Variants in AFG2A observed in about 807,000 individuals in gnomAD.
AFG2A encodes the protein AAA ATPase AFG2A, also known as ATPase family gene 2 protein homolog A.
the AFG2A span, among the ~76,000 whole-genome samples, chr4:122,948,263 T>C: frequency 6.6e-6 from 1 of 152,010 alleles, no homozygotes; most frequent in Non-Finnish European, 1.5e-5. Context: ...GTGTAGTCTA[T>C]ATGCAAGTAC....
chr4:123,074,062 T>C, the AFG2A span, among the ~76,000 whole-genome samples: 2 of 151,748 alleles, frequency 1.3e-5, no homozygotes, highest in Non-Finnish European at 2.9e-5. Context: ...CTCTTTGATT[T>C]CTTTCAATAG....
chr4:123,103,744 C>T, the AFG2A span, among the ~76,000 whole-genome samples: 1 of 152,104 alleles, frequency 6.6e-6, no homozygotes, highest in South Asian at 2.1e-4. Flanking sequence ...CTAAACAACC[C>T]AAATGTCTAC....
the AFG2A span, among the ~76,000 whole-genome samples, chr4:123,193,475 T>G: frequency 6.6e-6 from 1 of 152,230 alleles, no homozygotes; most frequent in African/African-American, 2.4e-5. Flanking sequence ...TAATAAACTT[T>G]TAGTTGCTGA....
At chr4:123,063,753 AAAG>A in the AFG2A span, among the ~76,000 whole-genome samples, 31 of 152,272 alleles carry the variant, frequency 2.0e-4, 1 homozygote, top group East Asian at 2.3e-3. Flanking sequence ...CAAAAAAAAA[AAAG>A]AAGAAGAAGA....
At chr4:123,287,029 A>G in the AFG2A span, among the ~76,000 whole-genome samples, 1 of 152,082 alleles carries the variant, frequency 6.6e-6, no homozygotes, top group Non-Finnish European at 1.5e-5. Flanking sequence ...TTTGAACCAG[A>G]CATGCTTCAC....
At chr4:123,272,873 C>T in the AFG2A span, among the ~76,000 whole-genome samples, 1 of 152,040 alleles carries the variant, frequency 6.6e-6, no homozygotes, top group Non-Finnish European at 1.5e-5. Context: ...AGGGTATATT[C>T]ATAGAATGGA....
the AFG2A span, among the ~76,000 whole-genome samples, chr4:123,158,363 C>T: frequency 9.9e-5 from 15 of 152,262 alleles, no homozygotes; most frequent in African/African-American, 3.6e-4. Flanking sequence ...TCAGGAATTT[C>T]AGAGCAAAGG....
chr4:123,232,865 A>G, the AFG2A span, among the ~76,000 whole-genome samples: 151 of 152,172 alleles, frequency 9.9e-4, no homozygotes, highest in Admixed American at 2.4e-3. Context: ...AAAACATACT[A>G]TTAAAGCTAA....
At chr4:123,102,895 T>C in the AFG2A span, among the ~76,000 whole-genome samples, 3 of 151,604 alleles carry the variant, frequency 2.0e-5, no homozygotes, top group African/African-American at 7.3e-5. Context: ...CTTTATGATA[T>C]ACACAATCTA....
the AFG2A span, among the ~76,000 whole-genome samples, chr4:123,004,040 C>T: frequency 6.6e-5 from 10 of 152,174 alleles, no homozygotes; most frequent in African/African-American, 1.4e-4. Context: ...GCCTCGCTGC[C>T]GCCTTGCAGT....
At chr4:123,095,819 C>T in the AFG2A span, among the ~76,000 whole-genome samples, 3 of 152,162 alleles carry the variant, frequency 2.0e-5, no homozygotes, top group Admixed American at 2.0e-4. Flanking sequence ...ATTTTACAAT[C>T]TTGTTGCCTC....
the AFG2A span, among the ~76,000 whole-genome samples, chr4:123,003,586 C>G: frequency 6.6e-6 from 1 of 152,164 alleles, no homozygotes. Flanking sequence ...ACCCTGTTTG[C>G]CTGGGTATCA....
chr4:123,127,122 A>G, the AFG2A span, among the ~76,000 whole-genome samples: 1 of 152,128 alleles, frequency 6.6e-6, no homozygotes, highest in Non-Finnish European at 1.5e-5. Context: ...ATTGCTAGCT[A>G]GATCCTAGAG....
chr4:123,186,557 A>G, the AFG2A span, among the ~76,000 whole-genome samples: 1 of 152,194 alleles, frequency 6.6e-6, no homozygotes, highest in Admixed American at 6.5e-5. Flanking sequence ...TTAGTTTTCT[A>G]CAGTCTAATA....
the AFG2A span, among the ~76,000 whole-genome samples, chr4:123,020,190 AACAC>A: frequency 2.0e-5 from 3 of 151,368 alleles, no homozygotes; most frequent in Admixed American, 6.6e-5. Context: ...TACAAACACA[AACAC>A]ACACACACAC....
the AFG2A span, chr4:122,947,205 T>A: frequency 2.0e-6 from 3 of 1,494,466 alleles, no homozygotes; most frequent in Admixed American, 4.9e-5. Flanking sequence ...TTCAGAAAAA[T>A]AAATTTATTT....
chr4:123,176,673 T>C, the AFG2A span, among the ~76,000 whole-genome samples: 25 of 152,282 alleles, frequency 1.6e-4, no homozygotes, highest in Non-Finnish European at 2.5e-4. Flanking sequence ...AAGAGCCTTG[T>C]ATGGACCAAT....
the AFG2A span, among the ~76,000 whole-genome samples, chr4:123,222,909 A>G: frequency 6.6e-6 from 1 of 152,154 alleles, no homozygotes; most frequent in African/African-American, 2.4e-5. Context: ...TCATATGTAT[A>G]TGCCACATTT....
the AFG2A span, among the ~76,000 whole-genome samples, chr4:123,121,978 G>A: frequency 6.6e-6 from 1 of 152,096 alleles, no homozygotes; most frequent in Non-Finnish European, 1.5e-5. Flanking sequence ...TTTGTCACAA[G>A]GATATTATCA....
Sources: allele counts gnomAD v4.1 joint callset (sites outside exome capture counted in the v4.1 genomes callset), GRCh38; gene constraint gnomAD v4.1.1; transcripts MANE v1.5; gene names NCBI Gene and HGNC (gene_info 2026-07-23, HGNC 2026-07-21).